Variants in SPMIP2 observed in about 807,000 individuals in gnomAD.
The protein encoded by SPMIP2 is protein SPMIP2.
At chr4:159,015,638 G>T in the SPMIP2 span, among the ~76,000 whole-genome samples, 32 of 152,042 alleles carry the variant, frequency 2.1e-4, no homozygotes, top group East Asian at 6.2e-3. Context: ...AAGAGAGTTG[G>T]AACAAAGAAA....
chr4:158,913,422 C>T, the SPMIP2 span, among the ~76,000 whole-genome samples: 1 of 151,906 alleles, frequency 6.6e-6, no homozygotes, highest in Non-Finnish European at 1.5e-5. Flanking sequence ...TGGGGTCTCA[C>T]TATGTTGCCC....
At chr4:159,025,160 G>A in the SPMIP2 span, among the ~76,000 whole-genome samples, 1 of 152,152 alleles carries the variant, frequency 6.6e-6, no homozygotes, top group South Asian at 2.1e-4. Context: ...CTGGGATCTT[G>A]ATGGAAATGC....
chr4:158,897,006 C>T, the SPMIP2 span, among the ~76,000 whole-genome samples: 4 of 152,030 alleles, frequency 2.6e-5, no homozygotes, highest in Admixed American at 2.0e-4. Flanking sequence ...GCCCCCCACC[C>T]GCCAAATAGG....
the SPMIP2 span, among the ~76,000 whole-genome samples, chr4:159,054,902 C>A: frequency 6.6e-6 from 1 of 151,662 alleles, no homozygotes; most frequent in Non-Finnish European, 1.5e-5. Context: ...CTGGAGTCAG[C>A]ATTTTTAATC....
chr4:159,033,454 T>TA, the SPMIP2 span, among the ~76,000 whole-genome samples: 4 of 152,074 alleles, frequency 2.6e-5, no homozygotes, highest in African/African-American at 2.4e-5. Context: ...GGATGCAAAT[T>TA]AAAAAAAATT....
the SPMIP2 span, among the ~76,000 whole-genome samples, chr4:159,004,378 C>T: frequency 4.7e-5 from 7 of 149,962 alleles, no homozygotes; most frequent in Non-Finnish European, 8.9e-5. Context: ...GCAACCTCCA[C>T]CTCCCAGGTT....
chr4:158,904,374 TAGAAATAATACTTTCTCATAAAA>T, the SPMIP2 span: 202 of 1,159,748 alleles, frequency 1.7e-4, no homozygotes, highest in South Asian at 5.7e-4. Context: ...ACTTAGTACC[TAGAAATAATACTTTCTCATAAAA>T]AGAAATAATA....
chr4:159,042,612 T>C, the SPMIP2 span, among the ~76,000 whole-genome samples: 3 of 152,196 alleles, frequency 2.0e-5, no homozygotes, highest in Non-Finnish European at 4.4e-5. Context: ...CTTTTAATTA[T>C]TTAGCAAGCA....
At chr4:159,069,235 G>C in the SPMIP2 span, among the ~76,000 whole-genome samples, 1 of 152,032 alleles carries the variant, frequency 6.6e-6, no homozygotes, top group African/African-American at 2.4e-5. Flanking sequence ...CCTGGGAGGC[G>C]AAGGTTACAG....
chr4:158,964,678 G>A, the SPMIP2 span, among the ~76,000 whole-genome samples: 6 of 152,228 alleles, frequency 3.9e-5, no homozygotes, highest in South Asian at 2.1e-4. Context: ...GTATTAGTCC[G>A]TGTTCACACT....
the SPMIP2 span, among the ~76,000 whole-genome samples, chr4:159,055,504 T>C: frequency 6.6e-6 from 1 of 151,998 alleles, no homozygotes; most frequent in East Asian, 1.9e-4. Flanking sequence ...GTTCAAGAGT[T>C]TGAGACCAGC....
At chr4:159,061,097 AT>A in the SPMIP2 span, among the ~76,000 whole-genome samples, 3 of 126,622 alleles carry the variant, frequency 2.4e-5, no homozygotes, top group African/African-American at 1.2e-4. Context: ...AAAAAAAAAT[AT>A]ATATATATAT....
the SPMIP2 span, among the ~76,000 whole-genome samples, chr4:158,981,119 A>G: frequency 6.6e-6 from 1 of 152,220 alleles, no homozygotes; most frequent in Non-Finnish European, 1.5e-5. Flanking sequence ...ATTGAAGATC[A>G]ACTGAATGAA....
chr4:159,080,391 A>AT, the SPMIP2 span, among the ~76,000 whole-genome samples: 2 of 151,664 alleles, frequency 1.3e-5, no homozygotes, highest in East Asian at 1.9e-4. Context: ...TAATTAAAAA[A>AT]TTTTTTTTGT....
At chr4:159,005,737 CAA>C in the SPMIP2 span, among the ~76,000 whole-genome samples, 1 of 152,104 alleles carries the variant, frequency 6.6e-6, no homozygotes, top group East Asian at 1.9e-4. Flanking sequence ...TTGGATTAAA[CAA>C]AGTATATTAT....
the SPMIP2 span, among the ~76,000 whole-genome samples, chr4:159,020,469 C>G: frequency 1.3e-4 from 20 of 152,158 alleles, no homozygotes; most frequent in Admixed American, 2.0e-4. Flanking sequence ...ATTTTATCTA[C>G]TCAGTTGTGT....
At chr4:158,989,400 C>CA in the SPMIP2 span, among the ~76,000 whole-genome samples, 2 of 151,888 alleles carry the variant, frequency 1.3e-5, no homozygotes, top group Non-Finnish European at 2.9e-5. Context: ...CATATGAAAC[C>CA]AAAAAAGAGC....
At chr4:158,943,687 T>C in the SPMIP2 span, among the ~76,000 whole-genome samples, 5 of 152,022 alleles carry the variant, frequency 3.3e-5, no homozygotes, top group Admixed American at 2.6e-4. Context: ...AGTGCATTCC[T>C]ACCTACATAT....
the SPMIP2 span, among the ~76,000 whole-genome samples, chr4:158,927,524 AGG>A: frequency 8.5e-5 from 13 of 152,134 alleles, no homozygotes; most frequent in Admixed American, 4.6e-4. Flanking sequence ...TGGTATTGAG[AGG>A]TGACAGCGTG....
Sources: allele counts gnomAD v4.1 joint callset (sites outside exome capture counted in the v4.1 genomes callset), GRCh38; gene constraint gnomAD v4.1.1; transcripts MANE v1.5; gene names NCBI Gene and HGNC (gene_info 2026-07-23, HGNC 2026-07-21).